Variants in NFKBIB observed in about 807,000 individuals in gnomAD.
NFKBIB encodes the protein NF-kappa-B inhibitor beta.
In NFKBIB, 16 loss-of-function variants were observed where a neutral mutation model predicts 32.1. The observed-to-expected ratio is 0.50, with a 90% CI of 0.34 to 0.76. NFKBIB has a LOEUF of 0.76. Ranked by LOEUF, NFKBIB falls within the 30% of genes least tolerant of loss-of-function variation. NFKBIB has a pLI of 0.01. For missense variants in NFKBIB, 437 were observed against 514.9 expected, an observed-to-expected ratio of 0.85 and a Z score of 1.46; for synonymous variants, 222 against 219.5, an observed-to-expected ratio of 1.01 and a Z score of -0.10.
At chr19:38,903,955 G>A (rs1026506919) in intron 1 of NFKBIB, among the ~76,000 whole-genome samples, 5 of 151,818 alleles carry the variant, frequency 3.3e-5, no homozygotes, top group Non-Finnish European at 7.4e-5. Context: ...CTGTGGTTCC[G>A]GCTACTCGGG....
At chr19:38,906,093 C>T (rs1431118842) in intron 3 of NFKBIB, among the ~76,000 whole-genome samples, 1 of 150,262 alleles carries the variant, frequency 6.7e-6, no homozygotes. Context: ...GGGCCTGCCT[C>T]TCGCCCCCAG....
In NFKBIB at chr19:38,905,470, T is replaced by C. The variant is rs1974090828; in HGVS notation, c.554T>C (p.Leu185Ser). 1 of 1,613,628 alleles carries C rather than the reference T, an allele frequency of 6.2e-7. No individual in the cohort carries two copies. Among genetic ancestry groups the C allele is most frequent in the Non-Finnish European group, 8.5e-7 (1 of 1,179,882 alleles). ...TPVALYPDSDLEKEEEESEED... is the reference protein window; with the variant it reads ...TPVALYPDSDSEKEEEESEED... ...GTCGCCTTGTACCCCGATTCCGACT[T>C]GGAGAAGGAAGAAGAGGAGAGTGAG... Residue 185 changes from leucine (L) to serine (S), a missense_variant, in exon 3 of 6, where the codon TTG (leucine) becomes TCG (serine). Transcript: ENST00000313582. This position sits in a 1 kb window ranked among gnomAD's most constrained non-coding sequence, Gnocchi z 5.5.
chr19:38,907,542 G>A lies in NFKBIB; in HGVS notation c.852G>A (p.Arg284=), dbSNP rs778623900. The A allele has an allele frequency of 5.6e-6, 9 of 1,612,532 alleles. No individual in the cohort carries two copies. Among genetic ancestry groups the A allele is most frequent in the Non-Finnish European group, 7.6e-6 (9 of 1,179,710 alleles). The change falls in exon 5 of 6, where the codon CGG becomes CGA. Residue 284 remains arginine (R), a synonymous_variant. Transcript: ENST00000313582. The stretch of plus-strand genomic sequence containing the variant: ...CCCCACTCGGCAGTGCCATGCTCCG[G>A]CCCAACCCCATCCTCGCCCGCCTCC... ...GRTPLGSAML[R]PNPILARLLR...
intron 5 of NFKBIB, chr19:38,908,512 C>T: frequency 8.0e-7 from 1 of 1,255,806 alleles, no homozygotes; most frequent in Non-Finnish European, 1.0e-6. Flanking sequence ...GCATTCCAGC[C>T]TGGGCAACAG....
intron 3 of NFKBIB, 34 bp from the exon 4 acceptor site, chr19:38,907,186 AC>A (rs1284305640): frequency 1.9e-6 from 3 of 1,572,512 alleles, no homozygotes; most frequent in Non-Finnish European, 2.6e-6. Flanking sequence ...GGGGGCCCTC[AC>A]CTCATCATCT....
In NFKBIB at chr19:38,900,117, G is replaced by A; in HGVS notation, c.85G>A (p.Ala29Thr). ...SGLGSLGPDA[A>T]APGGPGLGAE... ...CCTGGGCTCCCTGGGTCCGGACGCA[G>A]CGGCCCCCGGAGGACCTGGGTTGGG... The change falls in exon 1 of 6, where the codon GCG (alanine) becomes ACG (threonine). Residue 29 changes from alanine (A) to threonine (T), a missense_variant. Ala to Thr is a moderately conservative substitution (Grantham distance 58). Transcript: ENST00000313582. 1.3e-6 allele frequency: 2 copies of A among 1,580,326 alleles called. No homozygotes were observed. The highest frequency in any genetic ancestry group is 1.7e-6 in the Non-Finnish European group (2 of 1,168,026).
chr19:38,908,585 A>G, intron 5 of NFKBIB, 146 bp from the exon 6 acceptor site: 1 of 1,351,836 alleles, frequency 7.4e-7, no homozygotes, highest in Non-Finnish European at 9.5e-7. Flanking sequence ...GAGTTCTGAG[A>G]GCTAGGAAAC....
chr19:38,904,902 G>A (rs1974067501), intron 1 of NFKBIB, 113 bp from the exon 2 acceptor site: 15 of 919,188 alleles, frequency 1.6e-5, no homozygotes, highest in South Asian at 1.4e-4. Context: ...CTGACAGGGG[G>A]TTCCAGAACT....
intron 5 of NFKBIB, chr19:38,908,466 G>A: frequency 9.8e-7 from 1 of 1,020,814 alleles, no homozygotes; most frequent in African/African-American, 1.7e-5. Flanking sequence ...TTGAACCTGG[G>A]AGGTGGAGGT....
upstream of NFKBIB, chr19:38,899,945 A>C (rs563427629): frequency 9.6e-6 from 13 of 1,357,848 alleles, no homozygotes; most frequent in East Asian, 3.3e-4. Flanking sequence ...GTGGTGGGGA[A>C]TTTCCCGCAG....
rs757890436 is a variant in NFKBIB at position 38,907,238 on chromosome 19, G to T, written c.637G>T (p.Val213Leu). The T allele has an allele frequency of 9.9e-6, 16 of 1,612,604 alleles. No individual in the cohort carries two copies. The East Asian group carries it at 1.3e-4, about 13-fold the overall frequency. The change falls in exon 4 of 6, where the codon GTG becomes TTG. Residue 213 changes from valine to leucine, a missense_variant. Physicochemically the swap from Val to Leu is conservative, Grantham distance 32. Coordinates refer to ENST00000313582, the MANE Select transcript of NFKBIB (RefSeq NM_002503.5). ...ENYEGHTPLHVAVIHKDVEMV... is the reference protein window; with the variant it reads ...ENYEGHTPLHLAVIHKDVEMV... ...GTCCCCAGGCCACACCCCACTCCAC[G>T]TGGCCGTTATCCACAAAGATGTGGA... is the stretch of plus-strand genomic sequence containing the variant.
rs748571999 is a variant in NFKBIB, at chr19:38,907,636, G to A, written c.946G>A (p.Asp316Asn). The A allele has an allele frequency of 2.5e-6, 4 of 1,607,102 alleles. No individual in the cohort carries two copies. Among genetic ancestry groups the A allele is most frequent in the South Asian group, 1.1e-5 (1 of 90,430 alleles). The change falls in exon 5 of 6, where the codon GAC becomes AAC. Residue 316 changes from aspartate (D) to asparagine (N), a missense_variant. Physicochemically the swap from Asp to Asn is conservative, Grantham distance 23. Transcript: ENST00000313582. ...ATCCGGCCCCTGCAGCAGCAGTAGCGACAGCGACAGCGGAGACGAGGGCGT... is the reference window on the plus strand; with the variant it reads ...ATCCGGCCCCTGCAGCAGCAGTAGCAACAGCGACAGCGGAGACGAGGGCGT... ...EKSGPCSSSS[D>N]SDSGDEGDEY...
In NFKBIB at chr19:38,905,666, G is replaced by A. The variant is rs1974097533; in HGVS notation, c.619+131G>A. ...CCTAGGCTTCAGGAGCCCACACATC[G>A]GGACCAGGGACCTCCACTCAGGGCC... On this transcript the variant is annotated intron_variant, in intron 3 of 5. Transcript: ENST00000313582. The surrounding 1 kb of genome is among the most constrained non-coding windows in gnomAD (Gnocchi z 5.5). The A allele has an allele frequency of 2.2e-5, 15 of 674,344 alleles. No individual in the cohort carries two copies. Among genetic ancestry groups the A allele is most frequent in the Admixed American group, 9.1e-5 (3 of 33,020 alleles). The allele number at this position is 674,344 out of a possible 1,614,324, so 41.8% of individuals were successfully genotyped here.
At position 38,901,498 on chromosome 19, in the gene NFKBIB, CT is replaced by C. The variant is rs572932760; in HGVS notation, c.179+1300del. The stretch of plus-strand genomic sequence containing the variant: ...TTTTGTCCCCCTATGTTCTCAAACT[CT>C]TTTTTTTTTTTTGAGACAGAGTCTT... On this transcript the variant is annotated intron_variant, in intron 1 of 5. Transcript: ENST00000313582. Among the ~76,000 whole-genome samples the C allele has an allele frequency of 2.3e-3, 318 of 139,950 alleles. 1 individual carries two copies. Among genetic ancestry groups the C allele is most frequent in the Admixed American group, 5.2e-3 (72 of 13,874 alleles). The allele number at this position is 139,950 out of a possible 152,430, so 91.8% of individuals were successfully genotyped here. A position where few individuals can be genotyped will look rare whatever the true frequency, so the allele number is the denominator to read the frequency against.
rs201539242 is a variant in NFKBIB, at chr19:38,907,218, C to T, written c.620-3C>T. On this transcript the variant is annotated splice_polypyrimidine_tract_variant and splice_region_variant and intron_variant, in intron 3 of 5. Transcript: ENST00000313582. ...CATCTGACGCCAATCACTCTGTCCC[C>T]AGGCCACACCCCACTCCACGTGGCC... The T allele has an allele frequency of 5.1e-5, 82 of 1,609,636 alleles. No individual in the cohort carries two copies. The East Asian group carries it at 9.4e-4, about 18-fold the overall frequency.
At chr19:38,904,992 C>T (rs1358794219) in intron 1 of NFKBIB, 23 bp from the exon 2 acceptor site, 1 of 1,610,910 alleles carries the variant, frequency 6.2e-7, no homozygotes, top group Admixed American at 1.7e-5. Flanking sequence ...ACTTTGCCCT[C>T]TCACCCCGGT....
chr19:38,908,037 T>C (rs1974200272), intron 5 of NFKBIB: 1 of 1,093,838 alleles, frequency 9.1e-7, no homozygotes, highest in East Asian at 6.7e-5. Flanking sequence ...ACACCGGCAG[T>C]GCTGGGGCAG....
chr19:38,901,073 AAGG>A (rs1348588874), intron 1 of NFKBIB, among the ~76,000 whole-genome samples: 1 of 152,242 alleles, frequency 6.6e-6, no homozygotes, highest in Non-Finnish European at 1.5e-5. Context: ...AGAGCATTTC[AAGG>A]AGAAGGAACT....
intron 1 of NFKBIB, among the ~76,000 whole-genome samples, chr19:38,900,867 A>G (rs1235286340): frequency 6.6e-6 from 1 of 152,252 alleles, no homozygotes; most frequent in Non-Finnish European, 1.5e-5. Flanking sequence ...CTTGTGGAGC[A>G]TACATTTTAG....
Sources: gnomAD v4.1 joint callset for allele counts (sites outside exome capture counted in the v4.1 genomes callset) on GRCh38, gnomAD v4.1.1 for gene constraint, Gnocchi (gnomAD v3.1) non-coding constraint, MANE v1.5 for transcripts, NCBI Gene and HGNC (gene_info 2026-07-23, HGNC 2026-07-21) for gene names.